Variants in FAM117A observed in about 807,000 individuals in gnomAD.
FAM117A encodes family with sequence similarity 117 member A.
A neutral mutation model predicts 44.1 loss-of-function variants in FAM117A; 21 were observed. The observed-to-expected ratio is 0.48, with a 90% CI of 0.34 to 0.69. FAM117A has a LOEUF of 0.69. FAM117A is among the 30% of genes least tolerant of loss of function. The pLI is 0.01. For missense variants in FAM117A, 498 were observed against 589.9 expected (o/e 0.84, Z 1.61); for synonymous variants, 220 against 238.3 (o/e 0.92, Z 0.71).
chr17:49,770,308 C>T (rs1483088989), intron 1 of FAM117A, among the ~76,000 whole-genome samples: 1 of 141,254 alleles, frequency 7.1e-6, no homozygotes, highest in Non-Finnish European at 1.5e-5. Flanking sequence ...AGATGGAGTA[C>T]TTTTCAGCAA....
intron 1 of FAM117A, among the ~76,000 whole-genome samples, chr17:49,741,095 T>C (rs1238216254): frequency 1.1e-4 from 17 of 152,096 alleles, no homozygotes; most frequent in Non-Finnish European, 1.6e-4. Context: ...CCACCCATCG[T>C]AGTTATCCCA....
chr17:49,785,321 G>A (rs1430578310), intron 1 of FAM117A, among the ~76,000 whole-genome samples: 3 of 152,148 alleles, frequency 2.0e-5, no homozygotes, highest in Non-Finnish European at 4.4e-5. Flanking sequence ...AGACTAGTCT[G>A]GGCAATGTAG....
intron 7 of FAM117A, among the ~76,000 whole-genome samples, chr17:49,714,623 C>T (rs1393772485): frequency 1.3e-5 from 2 of 151,848 alleles, no homozygotes; most frequent in African/African-American, 4.8e-5. Flanking sequence ...CAGGCGTGAG[C>T]CACTGCACCC....
chr17:49,764,185 C>G (rs1480612132), upstream of FAM117A: 1 of 577,618 alleles, frequency 1.7e-6, no homozygotes, highest in Non-Finnish European at 2.7e-6. Context: ...CGGGGACCGG[C>G]CCCCTCATCC....
chr17:49,723,445 A>G (rs547971453), intron 2 of FAM117A, among the ~76,000 whole-genome samples: 1 of 152,198 alleles, frequency 6.6e-6, no homozygotes. Context: ...GTTGGCTCTA[A>G]GCATGAAGCC....
chr17:49,757,194 AC>A (rs1255859510), intron 1 of FAM117A, among the ~76,000 whole-genome samples: 1 of 145,172 alleles, frequency 6.9e-6, no homozygotes, highest in Non-Finnish European at 1.5e-5. Flanking sequence ...TCTGTCCTCC[AC>A]CCCCCCAGCA....
At chr17:49,788,091 C>T (rs1412310026) in intron 1 of FAM117A, among the ~76,000 whole-genome samples, 2 of 152,182 alleles carry the variant, frequency 1.3e-5, no homozygotes, top group African/African-American at 4.8e-5. Flanking sequence ...GCCTCCTCCC[C>T]GCGACATCAA....
intron 1 of FAM117A, among the ~76,000 whole-genome samples, chr17:49,742,953 A>G (rs1410941203): frequency 1.3e-5 from 2 of 152,214 alleles, no homozygotes; most frequent in Non-Finnish European, 2.9e-5. Context: ...CCACAAGCTC[A>G]TGAATTCTCT....
intron 1 of FAM117A, among the ~76,000 whole-genome samples, chr17:49,769,802 C>G (rs1484071082): frequency 6.6e-6 from 1 of 152,048 alleles, no homozygotes; most frequent in Non-Finnish European, 1.5e-5. Context: ...TTTAAACAAA[C>G]AATTGGAAGA....
chr17:49,722,203 C>G (rs1415702414), intron 3 of FAM117A, among the ~76,000 whole-genome samples: 3 of 152,208 alleles, frequency 2.0e-5, no homozygotes, highest in Admixed American at 6.5e-5. Flanking sequence ...AGTCTCTGAG[C>G]TGCTTATCTG....
At chr17:49,743,884 T>C (rs1466944377) in intron 1 of FAM117A, among the ~76,000 whole-genome samples, 1 of 151,948 alleles carries the variant, frequency 6.6e-6, no homozygotes, top group Non-Finnish European at 1.5e-5. Flanking sequence ...TGAGCTATGA[T>C]TGTGCCACTA....
intron 1 of FAM117A, among the ~76,000 whole-genome samples, chr17:49,758,621 CAAAA>C (rs1182238605): frequency 8.0e-4 from 75 of 93,860 alleles, no homozygotes; most frequent in African/African-American, 2.8e-3. Context: ...GAGACTGTCT[CAAAA>C]AAAAAAAAAA....
At chr17:49,749,289 A>C (rs1477829137) in intron 1 of FAM117A, among the ~76,000 whole-genome samples, 1 of 152,014 alleles carries the variant, frequency 6.6e-6, no homozygotes, top group Non-Finnish European at 1.5e-5. Context: ...GTATTTTAAG[A>C]AATGAAGGCC....
intron 3 of FAM117A, among the ~76,000 whole-genome samples, chr17:49,721,737 G>A (rs1270976665): frequency 6.6e-6 from 1 of 152,212 alleles, no homozygotes; most frequent in Non-Finnish European, 1.5e-5. Flanking sequence ...ACTCCTGAGG[G>A]AGAGGGAGGG....
chr17:49,764,610 C>A (rs1003628399), upstream of FAM117A, among the ~76,000 whole-genome samples: 4 of 152,116 alleles, frequency 2.6e-5, no homozygotes, highest in African/African-American at 9.7e-5. Context: ...GAAAGCGATA[C>A]CTTCAAAAAG....
chr17:49,751,237 G>A (rs188157478), intron 1 of FAM117A, among the ~76,000 whole-genome samples: 46 of 126,834 alleles, frequency 3.6e-4, no homozygotes, highest in Admixed American at 9.8e-4. Flanking sequence ...GTGAGACCAC[G>A]CCATTGCACT....
At chr17:49,778,776 TCATGGAACTTA>T (rs1158949270) in intron 1 of FAM117A, among the ~76,000 whole-genome samples, 1 of 152,194 alleles carries the variant, frequency 6.6e-6, no homozygotes, top group African/African-American at 2.4e-5. Context: ...GACACTGCCC[TCATGGAACTTA>T]CAGTCTGGGG....
intron 7 of FAM117A, among the ~76,000 whole-genome samples, chr17:49,712,317 T>C (rs189037318): frequency 6.6e-6 from 1 of 152,270 alleles, no homozygotes; most frequent in Admixed American, 6.5e-5. Flanking sequence ...GGAGGCATTG[T>C]CCTGTGCATT....
At chr17:49,769,480 C>T (rs1256157333) in intron 1 of FAM117A, among the ~76,000 whole-genome samples, 1 of 151,878 alleles carries the variant, frequency 6.6e-6, no homozygotes, top group Middle Eastern at 3.4e-3. Context: ...AGGTGGATCA[C>T]GAGGTCAGGA....
Sources: gnomAD v4.1 joint callset for allele counts (sites outside exome capture counted in the v4.1 genomes callset) on GRCh38, gnomAD v4.1.1 for gene constraint, MANE v1.5 for transcripts, NCBI Gene and HGNC (gene_info 2026-07-23, HGNC 2026-07-21) for gene names.